BTBD9: variants seen among roughly 807,000 people sequenced by gnomAD.
BTBD9 encodes the protein BTB domain containing 9.
BTBD9 carries 49 observed loss-of-function variants against 64.3 expected under a neutral mutation model. The observed-to-expected ratio is 0.76, with a 90% CI of 0.61 to 0.97. The LOEUF (loss-of-function observed/expected upper bound fraction) is 0.97. Ranked by LOEUF, BTBD9 falls within the 50% of genes least tolerant of loss-of-function variation. The pLI is 0.00. For missense variants in BTBD9, 598 were observed against 762.1 expected, an observed-to-expected ratio of 0.78 and a Z score of 2.53; for synonymous variants, 260 against 274.7, an observed-to-expected ratio of 0.95 and a Z score of 0.53.
chr6:38,303,358 A>C (rs1762482218), intron 7 of BTBD9, among the ~76,000 whole-genome samples: 1 of 146,414 alleles, frequency 6.8e-6, no homozygotes, highest in African/African-American at 2.5e-5. Context: ...TGAATATGCG[A>C]CTGTTCCTGC....
chr6:38,628,349 T>C (rs1778240185), intron 1 of BTBD9, among the ~76,000 whole-genome samples: 1 of 152,214 alleles, frequency 6.6e-6, no homozygotes, highest in Non-Finnish European at 1.5e-5. Flanking sequence ...GAATACAGTA[T>C]TTGGACTACA....
At chr6:38,308,421 T>C (rs1359649651) in intron 7 of BTBD9, among the ~76,000 whole-genome samples, 2 of 152,170 alleles carry the variant, frequency 1.3e-5, no homozygotes, top group African/African-American at 2.4e-5. Flanking sequence ...AACATACAAA[T>C]AGTCACTTAA....
chr6:38,394,029 T>C (rs995742706), intron 6 of BTBD9, among the ~76,000 whole-genome samples: 4 of 152,156 alleles, frequency 2.6e-5, no homozygotes, highest in African/African-American at 9.7e-5. Flanking sequence ...CATTCATCCA[T>C]CCATCCACTC....
chr6:38,457,031 T>A lies in BTBD9; in HGVS notation c.1155-111938A>T, dbSNP rs150487193. Among the ~76,000 whole-genome samples, 67 of 152,106 alleles carry A rather than the reference T, an allele frequency of 4.4e-4. 1 individual carries two copies. The East Asian group carries it at 0.012, about 27-fold the overall frequency. On this transcript the variant is annotated intron_variant, in intron 6 of 10. Coordinates refer to ENST00000481247, the MANE Select transcript of BTBD9 (RefSeq NM_001099272.2). ...TGATAAGAAGCCAGACAGAAGAATA[T>A]CCAGCGAGAGAGAAGAGCAAAGCAA...
chr6:38,421,757 AC>A (rs1233672395), intron 6 of BTBD9, among the ~76,000 whole-genome samples: 3 of 152,262 alleles, frequency 2.0e-5, no homozygotes, highest in Non-Finnish European at 2.9e-5. Context: ...AGAAGTTCTG[AC>A]CAAGGTTAAA....
chr6:38,256,128 T>C (rs1764571399), intron 9 of BTBD9, among the ~76,000 whole-genome samples: 1 of 151,650 alleles, frequency 6.6e-6, no homozygotes, highest in African/African-American at 2.4e-5. Context: ...TGAGAGAGGA[T>C]TGCATAAGGA....
intron 6 of BTBD9, among the ~76,000 whole-genome samples, chr6:38,529,582 A>G (rs1773686718): frequency 6.6e-6 from 1 of 152,172 alleles, no homozygotes; most frequent in Non-Finnish European, 1.5e-5. Flanking sequence ...ATGACCTCAC[A>G]TGTTGCGGGA....
At position 38,442,683 on chromosome 6, in the gene BTBD9, T is replaced by C. The variant is rs529215340; in HGVS notation, c.1155-97590A>G. ...ACTCTTTTTTTTTTTTTTTTTTTTTTTTTGAGATGGAGTTTCGCTTTTGTT... is the reference window on the plus strand; with the variant it reads ...ACTCTTTTTTTTTTTTTTTTTTTTTCTTTGAGATGGAGTTTCGCTTTTGTT... On this transcript the variant is annotated intron_variant, in intron 6 of 10. Transcript: ENST00000481247. Among the ~76,000 whole-genome samples the C allele has an allele frequency of 4.0e-3, 584 of 147,660 alleles. 1 individual carries two copies. Among genetic ancestry groups the C allele is most frequent in the African/African-American group, 0.013 (529 of 39,766 alleles).
chr6:38,474,135 T>A (rs541050316), intron 6 of BTBD9, among the ~76,000 whole-genome samples: 44 of 152,208 alleles, frequency 2.9e-4, no homozygotes, highest in Non-Finnish European at 5.4e-4. Flanking sequence ...ATCTGATTTA[T>A]GTCTTAAAAA....
rs869155666 is a variant in BTBD9, at chr6:38,171,846, C to CAAAAAAAAAAAAAAAA, written c.*3123_*3138dup. Reference sequence around the variant, plus strand: ...TCCAATGAAGTTGCCTTTCTACTCTCAAAAAAAAAAAAAAAAAAAAAAAAA... The same window carrying CAAAAAAAAAAAAAAAA: ...TCCAATGAAGTTGCCTTTCTACTCTCAAAAAAAAAAAAAAAAAAAAAAAAAAAAAAAAAAAAAAAAA... On this transcript the variant is annotated 3_prime_UTR_variant, in exon 11 of 11. Coordinates refer to ENST00000481247, the MANE Select transcript of BTBD9 (RefSeq NM_001099272.2). The CAAAAAAAAAAAAAAAA allele has an allele frequency of 1.4e-4, 11 of 79,208 alleles. No homozygotes were observed. The highest frequency in any genetic ancestry group is 1.7e-4 in the Admixed American group (1 of 6,010). 4.9% of individuals were successfully genotyped at this position (79,208 alleles called of 1,614,324 possible).
chr6:38,256,659 G>A, intron 8 of BTBD9, 143 bp from the exon 9 acceptor site: 1 of 598,740 alleles, frequency 1.7e-6, no homozygotes, highest in East Asian at 2.9e-5. Context: ...AAAAAAGTAT[G>A]AAGAGAACAG....
At chr6:38,621,240 C>G (rs950136616) in intron 1 of BTBD9, among the ~76,000 whole-genome samples, 1 of 152,208 alleles carries the variant, frequency 6.6e-6, no homozygotes, top group Non-Finnish European at 1.5e-5. Flanking sequence ...CAGACAACCA[C>G]CTGCTTAGAT....
intron 6 of BTBD9, among the ~76,000 whole-genome samples, chr6:38,483,393 C>G (rs540769578): frequency 2.9e-4 from 44 of 152,196 alleles, no homozygotes; most frequent in African/African-American, 1.0e-3. Flanking sequence ...CTTCCTGCCT[C>G]ACTGGCAGCT....
chr6:38,374,316 T>TAC lies in BTBD9; in HGVS notation c.1155-29224_1155-29223insGT, dbSNP rs531000851. On this transcript the variant is annotated intron_variant, in intron 6 of 10. Transcript: ENST00000481247. The stretch of plus-strand genomic sequence containing the variant: ...ATATATGTATATATATGTATATATA[T>TAC]ATATATATATGTATATAAAATCTGT... Among the ~76,000 whole-genome samples, 125 of 116,326 alleles carry TAC rather than the reference T, an allele frequency of 1.1e-3. 8 individuals are homozygous for TAC. The highest frequency in any genetic ancestry group is 4.0e-3 in the African/African-American group (114 of 28,150). 76.3% of individuals were successfully genotyped at this position (116,326 alleles called of 152,430 possible). A position where few individuals can be genotyped will look rare whatever the true frequency, so the allele number is the denominator to read the frequency against.
chr6:38,367,799 C>CAAAAAAAAAAAAAAAAA (rs575025737), intron 6 of BTBD9, among the ~76,000 whole-genome samples: 4 of 84,336 alleles, frequency 4.7e-5, no homozygotes, highest in East Asian at 5.2e-4. Flanking sequence ...CCAGAAATGG[C>CAAAAAAAAAAAAAAAAA]AAAAAAAAAA....
chr6:38,581,160 C>G (rs1335030727), intron 4 of BTBD9, among the ~76,000 whole-genome samples: 1 of 152,204 alleles, frequency 6.6e-6, no homozygotes, highest in Non-Finnish European at 1.5e-5. Flanking sequence ...CCATTGCACT[C>G]TAGCCTGGGC....
At chr6:38,534,050 GA>G (rs1273963716) in intron 6 of BTBD9, among the ~76,000 whole-genome samples, 1 of 151,708 alleles carries the variant, frequency 6.6e-6, no homozygotes, top group Admixed American at 6.6e-5. Context: ...AAATGAAACT[GA>G]AACAAACAAA....
At chr6:38,473,436 C>T (rs549530988) in intron 6 of BTBD9, among the ~76,000 whole-genome samples, 95 of 152,298 alleles carry the variant, frequency 6.2e-4, no homozygotes, top group African/African-American at 2.2e-3. Flanking sequence ...AAATTGGATT[C>T]ATTTCTTTCC....
At chr6:38,553,407 C>T (rs1257295425) in intron 6 of BTBD9, among the ~76,000 whole-genome samples, 2 of 152,180 alleles carry the variant, frequency 1.3e-5, no homozygotes, top group African/African-American at 4.8e-5. Context: ...AGATCCAACA[C>T]AAAGCTGTCA....
Sources: gnomAD v4.1 joint callset for allele counts (sites outside exome capture counted in the v4.1 genomes callset) on GRCh38, gnomAD v4.1.1 for gene constraint, MANE v1.5 for transcripts, NCBI Gene and HGNC (gene_info 2026-07-23, HGNC 2026-07-21) for gene names.